NTNG2: variants seen among roughly 807,000 people sequenced by gnomAD.
NTNG2 encodes the protein netrin-G2.
NTNG2 carries 15 observed loss-of-function variants against 47.6 expected under a neutral mutation model. The ratio of observed to expected loss-of-function variants is 0.32; its 90% CI spans 0.21 to 0.49. The LOEUF is 0.49. NTNG2 is among the 20% of genes least tolerant of loss of function. The probability of loss-of-function intolerance (pLI) is 0.99; values close to 1 mark genes in which losing one functional copy is unlikely to be tolerated. For synonymous variants in NTNG2, 307 were observed against 324.6 expected, an observed-to-expected ratio of 0.95 and a Z score of 0.58; for missense variants, 578 against 764.6, an observed-to-expected ratio of 0.76 and a Z score of 2.88.
rs1263544757 is a variant in NTNG2 at position 132,197,601 on chromosome 9, T to G, written c.214-365T>G. ...CTGTCCCGGGGAGGCCCAGGCACAC[T>G]GTCACCAGGTGTGGGAGGGCAGGTT... On this transcript the variant is annotated intron_variant, in intron 2 of 7. Transcript: ENST00000393229. This position sits in a 1 kb window ranked among gnomAD's most constrained non-coding sequence, Gnocchi z 4.3. 1.3e-5 allele frequency among the ~76,000 whole-genome samples: 2 copies of G among 151,676 alleles called. No homozygotes were observed. Among genetic ancestry groups the G allele is most frequent in the Non-Finnish European group, 2.9e-5 (2 of 67,904 alleles).
intron 5 of NTNG2, 142 bp downstream of exon 5, chr9:132,230,737 C>A: frequency 1.3e-6 from 1 of 781,856 alleles, no homozygotes; most frequent in South Asian, 1.7e-5. Flanking sequence ...CTAATTACAC[C>A]CCATCTGCTT....
rs547489272 is a variant in NTNG2, at chr9:132,218,245, C to T, written c.858-8604C>T. Among the ~76,000 whole-genome samples the T allele has an allele frequency of 1.1e-4, 16 of 152,320 alleles. No individual in the cohort carries two copies. The highest frequency in any genetic ancestry group is 3.8e-4 in the African/African-American group (16 of 41,580). Reference sequence around the variant, plus strand: ...TCGAGCTGCTTGGATTCAAGTCCTGCGTCTGCCCCTTACCAGCTGTGGAAC... The same window carrying T: ...TCGAGCTGCTTGGATTCAAGTCCTGTGTCTGCCCCTTACCAGCTGTGGAAC... On this transcript the variant is annotated intron_variant, in intron 3 of 7. Transcript: ENST00000393229. This position sits in a 1 kb window ranked among gnomAD's most constrained non-coding sequence, Gnocchi z 5.4.
At chr9:132,241,115 G>A (rs1016057515) in intron 7 of NTNG2, 71 bp downstream of exon 7, 1 of 1,473,944 alleles carries the variant, frequency 6.8e-7, no homozygotes, top group South Asian at 1.3e-5. Flanking sequence ...GCAGTGGGCG[G>A]GGCCTAGTGG....
rs774864300 is a variant in NTNG2, at chr9:132,180,095, A to T, written c.213+13051A>T. ...CAGGGCAGTTTGTCTTGGGTCTCTCAGGGACCGTTTGGGCCTCTTCAGCCC... is the reference window on the plus strand; with the variant it reads ...CAGGGCAGTTTGTCTTGGGTCTCTCTGGGACCGTTTGGGCCTCTTCAGCCC... On this transcript the variant is annotated intron_variant, in intron 2 of 7. Transcript: ENST00000393229. The surrounding 1 kb of genome is among the most constrained non-coding windows in gnomAD (Gnocchi z 4.2). Among the ~76,000 whole-genome samples, 12 of 152,192 alleles carry T rather than the reference A, an allele frequency of 7.9e-5. No homozygotes were observed. Among genetic ancestry groups the T allele is most frequent in the Non-Finnish European group, 1.8e-4 (12 of 68,036 alleles).
intron 3 of NTNG2, among the ~76,000 whole-genome samples, chr9:132,204,892 A>T (rs1247970775): frequency 2.6e-5 from 4 of 152,190 alleles, no homozygotes; most frequent in Non-Finnish European, 5.9e-5. Flanking sequence ...CCTGGGCAAT[A>T]TAGTGAGACC....
rs1031991919 is a variant in NTNG2, at chr9:132,218,743, C to T, written c.858-8106C>T. Among the ~76,000 whole-genome samples the T allele has an allele frequency of 6.6e-6, 1 of 152,134 alleles. No homozygotes were observed. Among genetic ancestry groups the T allele is most frequent in the Non-Finnish European group, 1.5e-5 (1 of 68,026 alleles). ...AACTCCTGACCTCAGGTGATACACC[C>T]GCCTCGGCTTCCCAAAGTGCTGGGA... On this transcript the variant is annotated intron_variant, in intron 3 of 7. Coordinates refer to ENST00000393229, the MANE Select transcript of NTNG2 (RefSeq NM_032536.4). This position sits in a 1 kb window ranked among gnomAD's most constrained non-coding sequence, Gnocchi z 5.4.
chr9:132,213,099 C>T lies in NTNG2; in HGVS notation c.858-13750C>T, dbSNP rs529291670. Among the ~76,000 whole-genome samples the T allele has an allele frequency of 4.6e-5, 7 of 152,194 alleles. No homozygotes were observed. In the South Asian group the frequency reaches 1.5e-3, roughly 32 times the overall value. On this transcript the variant is annotated intron_variant, in intron 3 of 7. Transcript: ENST00000393229. The stretch of plus-strand genomic sequence containing the variant: ...TTTGGGAAGGCAGATCACCTGAGGT[C>T]GGGAGCTCAAGACCAGCCTGGCCAA...
chr9:132,238,862 A>G (rs1841808651), intron 5 of NTNG2: 1 of 590,696 alleles, frequency 1.7e-6, no homozygotes, highest in Non-Finnish European at 3.0e-6. Flanking sequence ...CCCTGCCCAC[A>G]GGGCCAGGTG....
At chr9:132,214,019 C>T (rs1307946961) in intron 3 of NTNG2, among the ~76,000 whole-genome samples, 1 of 152,222 alleles carries the variant, frequency 6.6e-6, no homozygotes, top group Non-Finnish European at 1.5e-5. Flanking sequence ...TTGCCGTGAA[C>T]ACTCTGAAAT....
chr9:132,236,543 C>T lies in NTNG2; in HGVS notation c.1055-2561C>T, dbSNP rs972584750. On this transcript the variant is annotated intron_variant, in intron 5 of 7. Transcript: ENST00000393229. The surrounding 1 kb of genome is among the most constrained non-coding windows in gnomAD (Gnocchi z 4.3). ...TTCCTCCAGCCCCAGCTCTGAGCAG[C>T]GAGCAGGGCTTTGAGCGCCCTCTAC... Among the ~76,000 whole-genome samples the T allele has an allele frequency of 2.6e-5, 4 of 152,220 alleles. No individual in the cohort carries two copies. Among genetic ancestry groups the T allele is most frequent in the African/African-American group, 9.6e-5 (4 of 41,462 alleles).
At chr9:132,241,853 C>T in intron 7 of NTNG2, 23 bp from the exon 8 acceptor site, 1 of 1,527,024 alleles carries the variant, frequency 6.5e-7, no homozygotes. Flanking sequence ...ACCCCCCGTG[C>T]TGACCGCCCC....
chr9:132,170,921 G>A (rs1446446461), intron 2 of NTNG2, among the ~76,000 whole-genome samples: 1 of 152,068 alleles, frequency 6.6e-6, no homozygotes, highest in East Asian at 1.9e-4. Flanking sequence ...CAGGATGGTG[G>A]ATGAAGCCTG....
rs1840365444 is a variant in NTNG2, at chr9:132,221,725, C to G, written c.858-5124C>G. Among the ~76,000 whole-genome samples, 1 of 152,204 alleles carries G rather than the reference C, an allele frequency of 6.6e-6. No homozygotes were observed. Among genetic ancestry groups the G allele is most frequent in the Non-Finnish European group, 1.5e-5 (1 of 68,028 alleles). On this transcript the variant is annotated intron_variant, in intron 3 of 7. Coordinates refer to ENST00000393229, the MANE Select transcript of NTNG2 (RefSeq NM_032536.4). This position sits in a 1 kb window ranked among gnomAD's most constrained non-coding sequence, Gnocchi z 4.2. ...GGCAGAGCCAGCTGGGGAGGGACGTCTGGATTTGGGTCAGGAGAAACCAAC... is the reference window on the plus strand; with the variant it reads ...GGCAGAGCCAGCTGGGGAGGGACGTGTGGATTTGGGTCAGGAGAAACCAAC...
chr9:132,217,225 C>G (rs1056043834), intron 3 of NTNG2, among the ~76,000 whole-genome samples: 1 of 152,250 alleles, frequency 6.6e-6, no homozygotes, highest in African/African-American at 2.4e-5. Flanking sequence ...TAGGAGCACT[C>G]AGCAAATTAT....
At chr9:132,225,993 A>T (rs1046125221) in intron 3 of NTNG2, among the ~76,000 whole-genome samples, 1 of 151,906 alleles carries the variant, frequency 6.6e-6, no homozygotes, top group Non-Finnish European at 1.5e-5. Context: ...ATTCAGGTTC[A>T]GTTGCTTTGG....
chr9:132,195,449 C>T (rs962666448), intron 2 of NTNG2, among the ~76,000 whole-genome samples: 5 of 150,312 alleles, frequency 3.3e-5, no homozygotes, highest in African/African-American at 1.2e-4. Context: ...GCTGGGACTA[C>T]AGGCGCCCAC....
chr9:132,180,273 G>A lies in NTNG2; in HGVS notation c.213+13229G>A, dbSNP rs566352948. ...GGCAAAAGGTGAAGAAGAGACCAAT[G>A]AGAGATGAGCCCACGGTGCTCCTGC... On this transcript the variant is annotated intron_variant, in intron 2 of 7. Coordinates refer to ENST00000393229, the MANE Select transcript of NTNG2 (RefSeq NM_032536.4). The surrounding 1 kb of genome is among the most constrained non-coding windows in gnomAD (Gnocchi z 4.2). Among the ~76,000 whole-genome samples the A allele has an allele frequency of 2.6e-5, 4 of 152,384 alleles. No homozygotes were observed. The highest frequency in any genetic ancestry group is 9.6e-5 in the African/African-American group (4 of 41,600).
intron 2 of NTNG2, 117 bp downstream of exon 2, chr9:132,167,161 C>T: frequency 8.9e-7 from 1 of 1,126,752 alleles, no homozygotes; most frequent in Non-Finnish European, 1.3e-6. Context: ...ACTTTCCTGC[C>T]TCTTGACCAG....
At chr9:132,211,895 C>T (rs779244063) in intron 3 of NTNG2, among the ~76,000 whole-genome samples, 5 of 152,204 alleles carry the variant, frequency 3.3e-5, no homozygotes, top group African/African-American at 4.8e-5. Flanking sequence ...ACCAGGTAGG[C>T]GTGCTGTATA....
Sources: gnomAD v4.1 joint callset for allele counts (sites outside exome capture counted in the v4.1 genomes callset) on GRCh38, gnomAD v4.1.1 for gene constraint, Gnocchi (gnomAD v3.1) non-coding constraint, MANE v1.5 for transcripts, NCBI Gene and HGNC (gene_info 2026-07-23, HGNC 2026-07-21) for gene names.